The following PPP1R9A variants were observed in gnomAD, a reference collection of about 807,000 sequenced individuals.
PPP1R9A encodes protein phosphatase 1 regulatory subunit 9A, also known as neurabin-1.
Under a neutral mutation model 141.9 loss-of-function variants are expected in PPP1R9A, and 59 were observed. That is an observed-to-expected ratio of 0.42 (90% CI 0.34 to 0.52). The LOEUF is 0.52. PPP1R9A is among the 20% of genes least tolerant of loss of function. PPP1R9A has a pLI of 0.10. For missense variants in PPP1R9A, 1,444 were observed against 1,611.9 expected, an observed-to-expected ratio of 0.90 and a Z score of 1.78; for synonymous variants, 500 against 569.7, an observed-to-expected ratio of 0.88 and a Z score of 1.74.
chr7:95,275,398 C>T (rs1170510077), intron 16 of PPP1R9A, among the ~76,000 whole-genome samples: 9 of 133,062 alleles, frequency 6.8e-5, no homozygotes, highest in East Asian at 2.2e-4. Flanking sequence ...AGCGAGACTC[C>T]GTCTCAAAAA....
intron 2 of PPP1R9A, among the ~76,000 whole-genome samples, chr7:95,029,438 G>A (rs1168095787): frequency 6.6e-6 from 1 of 152,144 alleles, no homozygotes; most frequent in Non-Finnish European, 1.5e-5. Flanking sequence ...TTGTGATTGA[G>A]ATAATTGATT....
intron 2 of PPP1R9A, among the ~76,000 whole-genome samples, chr7:95,109,271 T>C (rs1820122112): frequency 6.6e-6 from 1 of 152,210 alleles, no homozygotes; most frequent in Non-Finnish European, 1.5e-5. Flanking sequence ...TTCTTTACCT[T>C]CTCAGGAAAA....
intron 4 of PPP1R9A, among the ~76,000 whole-genome samples, chr7:95,141,725 A>G (rs1826735236): frequency 6.6e-6 from 1 of 152,134 alleles, no homozygotes; most frequent in Non-Finnish European, 1.5e-5. Flanking sequence ...TTGCAAAATA[A>G]TATTCCATTG....
chr7:95,137,415 C>CAAAAAAAAAAAAAAAAAAAAAAAAAA (rs33928009), intron 4 of PPP1R9A, among the ~76,000 whole-genome samples: 2 of 91,490 alleles, frequency 2.2e-5, no homozygotes, highest in African/African-American at 8.7e-5. Context: ...GACATGAACT[C>CAAAAAAAAAAAAAAAAAAAAAAAAAA]AAAAAAAAAA....
intron 5 of PPP1R9A, among the ~76,000 whole-genome samples, chr7:95,183,189 G>A (rs957901589): frequency 6.6e-6 from 1 of 151,796 alleles, no homozygotes; most frequent in African/African-American, 2.4e-5. Context: ...CCAGGCTAGA[G>A]TGCAGTGGTG....
At chr7:95,046,355 A>C (rs575127882) in intron 2 of PPP1R9A, among the ~76,000 whole-genome samples, 3 of 152,236 alleles carry the variant, frequency 2.0e-5, no homozygotes, top group African/African-American at 7.2e-5. Flanking sequence ...CAGTCTACCA[A>C]AAGGCTGTGA....
intron 12 of PPP1R9A, among the ~76,000 whole-genome samples, chr7:95,255,865 T>A (rs1402487310): frequency 6.6e-6 from 1 of 152,154 alleles, no homozygotes; most frequent in African/African-American, 2.4e-5. Context: ...GTACATAATC[T>A]TGTAAGCATT....
At chr7:94,996,805 T>G (rs1281738236) in intron 2 of PPP1R9A, among the ~76,000 whole-genome samples, 2 of 149,712 alleles carry the variant, frequency 1.3e-5, no homozygotes, top group East Asian at 3.9e-4. Flanking sequence ...CTGTGTTTTT[T>G]TTTTTTTTTT....
intron 2 of PPP1R9A, among the ~76,000 whole-genome samples, chr7:94,977,489 A>G (rs1799582668): frequency 6.6e-6 from 1 of 152,180 alleles, no homozygotes; most frequent in Non-Finnish European, 1.5e-5. Flanking sequence ...CCATTGAGCA[A>G]CATTGAAGAC....
intron 4 of PPP1R9A, among the ~76,000 whole-genome samples, chr7:95,145,185 T>G (rs1174818747): frequency 6.6e-6 from 1 of 152,174 alleles, no homozygotes; most frequent in African/African-American, 2.4e-5. Context: ...TAATAAACAT[T>G]TCAAGTATTC....
chr7:95,160,275 C>T (rs1026845530), intron 4 of PPP1R9A, among the ~76,000 whole-genome samples: 1 of 151,948 alleles, frequency 6.6e-6, no homozygotes, highest in African/African-American at 2.4e-5. Context: ...CCCTGTAATT[C>T]CTGGTTAAGT....
At chr7:95,165,551 A>G (rs889714207) in intron 5 of PPP1R9A, among the ~76,000 whole-genome samples, 1 of 152,246 alleles carries the variant, frequency 6.6e-6, no homozygotes, top group African/African-American at 2.4e-5. Flanking sequence ...AATTGAACAG[A>G]CAAGCCTTCC....
At chr7:95,083,491 C>G (rs1220044247) in intron 2 of PPP1R9A, among the ~76,000 whole-genome samples, 1 of 151,896 alleles carries the variant, frequency 6.6e-6, no homozygotes, top group African/African-American at 2.4e-5. Flanking sequence ...GCTGTTTCCT[C>G]AACTTCCAAG....
rs529593745 is a variant in PPP1R9A, at chr7:95,030,236, T to C, written c.1396-81023T>C. Among the ~76,000 whole-genome samples, 7 of 152,342 alleles carry C rather than the reference T, an allele frequency of 4.6e-5. No individual in the cohort carries two copies. In the East Asian group the frequency reaches 1.4e-3, roughly 29 times the overall value. On this transcript the variant is annotated intron_variant, in intron 2 of 19. Transcript: ENST00000433360. ...TTAATAACATATATCACAGTGTAGC[T>C]GGTCAGATCCAAATGAGAAATATTT... is the stretch of plus-strand genomic sequence containing the variant.
At chr7:95,082,340 G>A (rs1013392185) in intron 2 of PPP1R9A, among the ~76,000 whole-genome samples, 5 of 151,222 alleles carry the variant, frequency 3.3e-5, no homozygotes, top group African/African-American at 1.2e-4. Flanking sequence ...AGCATGCTCG[G>A]AAAATACCTA....
intron 7 of PPP1R9A, among the ~76,000 whole-genome samples, chr7:95,208,849 C>T (rs1047804654): frequency 3.2e-4 from 48 of 150,802 alleles, no homozygotes; most frequent in African/African-American, 9.0e-4. Context: ...ATAAACCATA[C>T]GCTGGAGTAA....
chr7:95,226,207 T>C lies in PPP1R9A; in HGVS notation c.2112+91T>C, dbSNP rs573996283. On this transcript the variant is annotated intron_variant, in intron 8 of 19. Transcript: ENST00000433360. Reference sequence around the variant, plus strand: ...CAAATAATATATTAAGAATAATCAGTTTGCAAATCAAAGCTTTTTAATAAC... The same window carrying C: ...CAAATAATATATTAAGAATAATCAGCTTGCAAATCAAAGCTTTTTAATAAC... 5 of 1,305,390 alleles carry C rather than the reference T, an allele frequency of 3.8e-6. No individual in the cohort carries two copies. In the South Asian group the frequency reaches 5.9e-5, roughly 15 times the overall value. The allele number at this position is 1,305,390 out of a possible 1,614,324, so 80.9% of individuals were successfully genotyped here. A position where few individuals can be genotyped will look rare whatever the true frequency, so the allele number is the denominator to read the frequency against.
At chr7:95,007,344 C>A (rs943499143) in intron 2 of PPP1R9A, among the ~76,000 whole-genome samples, 2 of 152,188 alleles carry the variant, frequency 1.3e-5, no homozygotes, top group Non-Finnish European at 2.9e-5. Context: ...TTCCCAGCCT[C>A]ACCCCAATAG....
At chr7:95,220,956 A>C (rs6947420) in intron 7 of PPP1R9A, among the ~76,000 whole-genome samples, 76,192 of 151,712 alleles carry the variant, frequency 0.5, 19,440 homozygotes, top group African/African-American at 0.59. Context: ...CCTACCCCAA[A>C]CTGGGAATAT....
Sources: gnomAD v4.1 joint callset for allele counts (sites outside exome capture counted in the v4.1 genomes callset) on GRCh38, gnomAD v4.1.1 for gene constraint, MANE v1.5 for transcripts, NCBI Gene and HGNC (gene_info 2026-07-23, HGNC 2026-07-21) for gene names.